Variants in TNPO3 observed in about 807,000 individuals in gnomAD.
TNPO3 encodes transportin-3.
TNPO3 carries 65 observed loss-of-function variants against 122.8 expected under a neutral mutation model. The observed-to-expected ratio is 0.53, with a 90% CI of 0.43 to 0.65. TNPO3 has a LOEUF of 0.65. Among genes scored for constraint, TNPO3 ranks in the 30% least tolerant of loss-of-function variants. TNPO3 has a pLI of 0.00. For synonymous variants in TNPO3, 372 were observed against 411.2 expected (o/e 0.90, Z 1.15); for missense variants, 850 against 1,136.7 (o/e 0.75, Z 3.63).
intron 1 of TNPO3, among the ~76,000 whole-genome samples, chr7:129,038,685 C>T (rs1319625358): frequency 1.3e-5 from 2 of 152,310 alleles, no homozygotes; most frequent in African/African-American, 2.4e-5. Flanking sequence ...TCTGCAGGAA[C>T]ATGGATGGCG....
intron 1 of TNPO3, among the ~76,000 whole-genome samples, chr7:129,024,414 G>A (rs959183756): frequency 7.2e-5 from 11 of 152,102 alleles, no homozygotes; most frequent in African/African-American, 1.9e-4. Context: ...ATTTGAGCCC[G>A]CTCAAATTCC....
chr7:128,980,981 A>C (rs555440111), intron 14 of TNPO3, among the ~76,000 whole-genome samples: 33 of 152,290 alleles, frequency 2.2e-4, no homozygotes, highest in African/African-American at 5.8e-4. Flanking sequence ...GGAAAAAAAA[A>C]CCACACATAA....
chr7:128,995,759 C>T (rs192129143), intron 8 of TNPO3, among the ~76,000 whole-genome samples: 30 of 152,222 alleles, frequency 2.0e-4, no homozygotes, highest in East Asian at 9.7e-4. Flanking sequence ...AGTGCAGTGG[C>T]GCAATCTTGG....
At position 128,978,978 on chromosome 7, in the gene TNPO3, T is replaced by C. The variant is rs1799361715; in HGVS notation, c.2061+5A>G. ...AACACGTCCCCCCGCAACAGATAAC[T>C]TTACCTGTGTGACTAGTGGCTGCAG... On this transcript the variant is annotated splice_donor_5th_base_variant and intron_variant, in intron 16 of 22. Coordinates refer to ENST00000265388, the MANE Select transcript of TNPO3 (RefSeq NM_012470.4). 1 of 1,613,852 alleles carries C rather than the reference T, an allele frequency of 6.2e-7. No individual in the cohort carries two copies. The highest frequency in any genetic ancestry group is 1.3e-5 in the African/African-American group (1 of 74,900).
At chr7:129,016,368 T>G (rs1803862573) in intron 3 of TNPO3, among the ~76,000 whole-genome samples, 1 of 152,194 alleles carries the variant, frequency 6.6e-6, no homozygotes, top group Admixed American at 6.5e-5. Flanking sequence ...AACTCCAGCC[T>G]GGGCAACAAG....
intron 1 of TNPO3, among the ~76,000 whole-genome samples, chr7:129,051,678 C>T (rs1302501641): frequency 6.6e-6 from 1 of 152,042 alleles, no homozygotes; most frequent in African/African-American, 2.4e-5. Context: ...GAGTCGCGCT[C>T]TGTCGCCCAG....
Position 128,997,299 on chromosome 7 carries a change from G to C in TNPO3, c.1158+90C>G, listed in dbSNP as rs1252107406. 4 of 1,469,656 alleles carry C rather than the reference G, an allele frequency of 2.7e-6. No individual in the cohort carries two copies. The East Asian group carries it at 7.0e-5, about 26-fold the overall frequency. 91.0% of individuals were successfully genotyped at this position (1,469,656 alleles called of 1,614,324 possible). On this transcript the variant is annotated intron_variant, in intron 8 of 22. Transcript: ENST00000265388. ...AGGCATGAGCCAGGGTGCCCAGCCA[G>C]GTTTATTATCTATCTTCTCAGTTCC...
chr7:129,004,779 T>C (rs1802386789), intron 5 of TNPO3, among the ~76,000 whole-genome samples: 2 of 152,218 alleles, frequency 1.3e-5, no homozygotes, highest in Admixed American at 1.3e-4. Context: ...TTTTAATATG[T>C]AAATCATGTA....
chr7:129,054,938 C>T lies in TNPO3; in HGVS notation c.-168G>A. On this transcript the variant is annotated 5_prime_UTR_variant, in exon 1 of 23. Coordinates refer to ENST00000265388, the MANE Select transcript of TNPO3 (RefSeq NM_012470.4). ...GGCAGAAGGCTCTCCGTGGAAGTTG[C>T]CCCCTCGGAAACAGCTATTAGGTCG... 5.9e-6 allele frequency: 5 copies of T among 848,886 alleles called. No homozygotes were observed. The highest frequency in any genetic ancestry group is 1.7e-5 in the South Asian group (1 of 57,290). 52.6% of individuals were successfully genotyped at this position (848,886 alleles called of 1,614,324 possible).
chr7:128,955,590 G>A (rs1351500273), intron 22 of TNPO3, among the ~76,000 whole-genome samples: 2 of 152,156 alleles, frequency 1.3e-5, no homozygotes, highest in Non-Finnish European at 2.9e-5. Flanking sequence ...ATGAGACACC[G>A]TCTGCAGTGT....
intron 21 of TNPO3, among the ~76,000 whole-genome samples, chr7:128,964,792 T>C (rs1486927850): frequency 6.6e-6 from 1 of 152,148 alleles, no homozygotes; most frequent in Non-Finnish European, 1.5e-5. Context: ...AATTCTCCTG[T>C]ATATGGTCAA....
intron 1 of TNPO3, among the ~76,000 whole-genome samples, chr7:129,044,645 G>A (rs377647700): frequency 6.6e-6 from 1 of 152,260 alleles, no homozygotes; most frequent in East Asian, 1.9e-4. Flanking sequence ...CTATACAGCT[G>A]TAAAAATACT....
At chr7:128,992,751 A>G (rs1298637335) in intron 9 of TNPO3, among the ~76,000 whole-genome samples, 1 of 151,394 alleles carries the variant, frequency 6.6e-6, no homozygotes, top group Non-Finnish European at 1.5e-5. Context: ...AACTTCACAG[A>G]GCCTTTAATA....
At chr7:128,998,797 G>A (rs928988962) in intron 7 of TNPO3, among the ~76,000 whole-genome samples, 1 of 152,122 alleles carries the variant, frequency 6.6e-6, no homozygotes, top group Non-Finnish European at 1.5e-5. Flanking sequence ...GTGTTAAGAG[G>A]TATGAACCTC....
At chr7:129,051,145 T>TAAAAA (rs77733877) in intron 1 of TNPO3, among the ~76,000 whole-genome samples, 1 of 147,454 alleles carries the variant, frequency 6.8e-6, no homozygotes, top group Non-Finnish European at 1.5e-5. Flanking sequence ...AACAAAATGT[T>TAAAAA]AAAAAAAAAA....
At chr7:129,040,267 A>G (rs921424914) in intron 1 of TNPO3, among the ~76,000 whole-genome samples, 2 of 152,118 alleles carry the variant, frequency 1.3e-5, no homozygotes, top group Non-Finnish European at 2.9e-5. Context: ...AAAAAAAAAA[A>G]AAAGAAAATG....
chr7:129,013,597 G>C (rs189703339), intron 4 of TNPO3, among the ~76,000 whole-genome samples: 2 of 152,130 alleles, frequency 1.3e-5, no homozygotes, highest in Non-Finnish European at 2.9e-5. Flanking sequence ...ACTACCATAC[G>C]ATCTAGCAAT....
At chr7:129,013,228 G>C (rs1187234664) in intron 4 of TNPO3, among the ~76,000 whole-genome samples, 1 of 151,992 alleles carries the variant, frequency 6.6e-6, no homozygotes, top group Non-Finnish European at 1.5e-5. Context: ...ACATTGATCT[G>C]GGCAAAGATC....
intron 4 of TNPO3, among the ~76,000 whole-genome samples, chr7:129,014,163 A>G (rs1376171725): frequency 6.6e-6 from 1 of 152,244 alleles, no homozygotes; most frequent in Non-Finnish European, 1.5e-5. Flanking sequence ...GTTTGAGGTG[A>G]TGGATATCTC....
Sources: gnomAD v4.1 joint callset for allele counts (sites outside exome capture counted in the v4.1 genomes callset) on GRCh38, gnomAD v4.1.1 for gene constraint, MANE v1.5 for transcripts, NCBI Gene and HGNC (gene_info 2026-07-23, HGNC 2026-07-21) for gene names.